The following EXOC2 variants were observed in gnomAD, a reference collection of about 807,000 sequenced individuals.
The protein encoded by EXOC2 is exocyst complex component 2, also known as SEC5-like 1.
A neutral mutation model predicts 131.8 loss-of-function variants in EXOC2; 70 were observed. The observed-to-expected ratio is 0.53, with a 90% CI of 0.44 to 0.65. The LOEUF (loss-of-function observed/expected upper bound fraction) is 0.65, where lower values mean the gene tolerates loss of function less well. Ranked by LOEUF, EXOC2 falls within the 30% of genes least tolerant of loss-of-function variation. The probability of loss-of-function intolerance (pLI) is 0.00; values close to 1 mark genes in which losing one functional copy is unlikely to be tolerated. For missense variants in EXOC2, 923 were observed against 1,108.6 expected (o/e 0.83, Z 2.38); for synonymous variants, 411 against 398.4 (o/e 1.03, Z -0.38).
chr6:688,120 C>A (rs969535821), intron 1 of EXOC2, among the ~76,000 whole-genome samples: 11 of 152,208 alleles, frequency 7.2e-5, no homozygotes, highest in African/African-American at 2.7e-4. Flanking sequence ...TCTCCACTTA[C>A]ATCTCTTTCA....
intron 23 of EXOC2, among the ~76,000 whole-genome samples, chr6:518,073 T>C (rs1372918334): frequency 6.6e-6 from 1 of 152,230 alleles, no homozygotes; most frequent in Non-Finnish European, 1.5e-5. Context: ...CTAAAAAGCT[T>C]CTACGAGAAT....
At chr6:644,560 C>G (rs1378845572) in intron 1 of EXOC2, among the ~76,000 whole-genome samples, 1 of 152,002 alleles carries the variant, frequency 6.6e-6, no homozygotes, top group Non-Finnish European at 1.5e-5. Context: ...AAGAAGTAAA[C>G]ATCTATTTGC....
chr6:586,200 G>A (rs1260010043), intron 11 of EXOC2, among the ~76,000 whole-genome samples: 2 of 152,288 alleles, frequency 1.3e-5, no homozygotes, highest in Non-Finnish European at 2.9e-5. Flanking sequence ...CTCTGTCACC[G>A]AGCCCCGGGC....
At chr6:540,699 C>T (rs902964913) in intron 22 of EXOC2, among the ~76,000 whole-genome samples, 3 of 151,744 alleles carry the variant, frequency 2.0e-5, no homozygotes, top group African/African-American at 7.3e-5. Flanking sequence ...AACATACACC[C>T]AATAGGAGAT....
intron 12 of EXOC2, among the ~76,000 whole-genome samples, chr6:575,557 C>T (rs940277678): frequency 1.3e-5 from 2 of 152,210 alleles, no homozygotes; most frequent in African/African-American, 4.8e-5. Flanking sequence ...ATGCTGGCTC[C>T]CCTTTTGCCT....
At chr6:610,797 C>T (rs1318148397) in intron 6 of EXOC2, among the ~76,000 whole-genome samples, 3 of 152,168 alleles carry the variant, frequency 2.0e-5, no homozygotes, top group Non-Finnish European at 2.9e-5. Context: ...TAATTATGAT[C>T]TTGTTATTTT....
Position 491,200 on chromosome 6 carries a change from A to G in EXOC2, c.2560-14T>C. ...TTCAAGTCTCGCCTGAAAATGAGAA[A>G]AAGACAAAGTGACAACAGGAAAATT... is the stretch of plus-strand genomic sequence containing the variant. On this transcript the variant is annotated splice_polypyrimidine_tract_variant and intron_variant, in intron 25 of 27. Coordinates refer to ENST00000230449, the MANE Select transcript of EXOC2 (RefSeq NM_018303.6). 6.2e-7 allele frequency: 1 copy of G among 1,614,132 alleles called. No homozygotes were observed. The highest frequency in any genetic ancestry group is 1.3e-5 in the African/African-American group (1 of 75,052).
At chr6:625,024 C>T (rs1339153979) in intron 4 of EXOC2, among the ~76,000 whole-genome samples, 2 of 152,210 alleles carry the variant, frequency 1.3e-5, no homozygotes, top group East Asian at 1.9e-4. Context: ...ATCGAGGAAT[C>T]GAAACACACA....
At chr6:510,709 CTT>C (rs1330678717) in intron 23 of EXOC2, among the ~76,000 whole-genome samples, 1 of 152,198 alleles carries the variant, frequency 6.6e-6, no homozygotes, top group Admixed American at 6.5e-5. Flanking sequence ...TCATTACACA[CTT>C]AGCATAGAAT....
At chr6:654,835 A>AAAAAAAAAAAAAAC in intron 1 of EXOC2, among the ~76,000 whole-genome samples, 1 of 143,362 alleles carries the variant, frequency 7.0e-6, no homozygotes, top group Non-Finnish European at 1.5e-5. Flanking sequence ...AAAAAAAAAA[A>AAAAAAAAAAAAAAC]AAGTAGAGCC....
At chr6:557,116 A>G (rs554589867) in intron 17 of EXOC2, among the ~76,000 whole-genome samples, 56 of 152,368 alleles carry the variant, frequency 3.7e-4, no homozygotes, top group Non-Finnish European at 5.6e-4. Flanking sequence ...AAGACAAGCT[A>G]GAATGAATCT....
chr6:624,224 T>C (rs1293631532), intron 4 of EXOC2, among the ~76,000 whole-genome samples: 1 of 152,210 alleles, frequency 6.6e-6, no homozygotes, highest in Non-Finnish European at 1.5e-5. Context: ...GCTGCAAAAG[T>C]ACAGGTGGCT....
chr6:576,920 T>G (rs1483556864), intron 11 of EXOC2, 38 bp from the exon 12 acceptor site: 2 of 1,602,000 alleles, frequency 1.2e-6, no homozygotes, highest in Non-Finnish European at 8.5e-7. Flanking sequence ...GTATATAGCA[T>G]GCTCTATATA....
chr6:641,997 AAGCCTGTCACAGCT>A (rs1306218533), intron 1 of EXOC2, among the ~76,000 whole-genome samples: 1 of 152,072 alleles, frequency 6.6e-6, no homozygotes, highest in African/African-American at 2.4e-5. Context: ...ATCCCGTTCA[AAGCCTGTCACAGCT>A]AGACCCGTCC....
intron 1 of EXOC2, among the ~76,000 whole-genome samples, chr6:650,311 G>C (rs1172624729): frequency 2.0e-5 from 3 of 152,318 alleles, no homozygotes; most frequent in South Asian, 2.1e-4. Context: ...CTATAAACAA[G>C]ATGATTGGAT....
chr6:635,654 T>C (rs932989845), intron 2 of EXOC2, among the ~76,000 whole-genome samples: 1 of 152,202 alleles, frequency 6.6e-6, no homozygotes, highest in African/African-American at 2.4e-5. Context: ...CTAGTGTAGA[T>C]ATCATCTGAG....
At chr6:513,579 A>G (rs1764974506) in intron 23 of EXOC2, among the ~76,000 whole-genome samples, 1 of 152,222 alleles carries the variant, frequency 6.6e-6, no homozygotes, top group African/African-American at 2.4e-5. Flanking sequence ...CAAACTTGCT[A>G]AAAGTCACAT....
intron 27 of EXOC2, among the ~76,000 whole-genome samples, chr6:487,811 C>T (rs185785248): frequency 1.3e-5 from 2 of 152,094 alleles, no homozygotes; most frequent in African/African-American, 2.4e-5. Flanking sequence ...GATTATTTCA[C>T]GGTTTAACAA....
chr6:492,410 C>T (rs944332295), intron 25 of EXOC2, among the ~76,000 whole-genome samples: 5 of 152,122 alleles, frequency 3.3e-5, no homozygotes, highest in Non-Finnish European at 5.9e-5. Flanking sequence ...TTGGTATGCA[C>T]GCACGAGACA....
Sources: allele counts gnomAD v4.1 joint callset (sites outside exome capture counted in the v4.1 genomes callset), GRCh38; gene constraint gnomAD v4.1.1; transcripts MANE v1.5; gene names NCBI Gene and HGNC (gene_info 2026-07-23, HGNC 2026-07-21).